MEGF8: variants seen among roughly 807,000 people sequenced by gnomAD.
The protein encoded by MEGF8 is multiple epidermal growth factor-like domains protein 8.
A neutral mutation model predicts 302.9 loss-of-function variants in MEGF8; 156 were observed. The observed-to-expected ratio is 0.52, with a 90% CI of 0.45 to 0.59. The LOEUF is 0.59. MEGF8 is among the 20% of genes least tolerant of loss of function. MEGF8 has a pLI of 0.00. For missense variants in MEGF8, 3,345 were observed against 3,964.5 expected, an observed-to-expected ratio of 0.84 and a Z score of 4.20; for synonymous variants, 1,621 against 1,660.5, an observed-to-expected ratio of 0.98 and a Z score of 0.58.
Position 42,362,479 on chromosome 19 carries a change from C to G in MEGF8, c.5940C>G (p.Ile1980Met). Residue 1980 changes from isoleucine (I) to methionine (M), a missense_variant, in exon 34 of 42, where the codon ATC (isoleucine) becomes ATG (methionine). Ile to Met is a conservative substitution (Grantham distance 10). Transcript: ENST00000251268. The part of the protein sequence containing the change: ...GSCTSENDCR[I>M]NQREVFWAGN... Reference sequence around the variant, plus strand: ...GCACCTCTGAGAATGACTGTCGGATCAACCAGCGAGAGGTCTTCTGGGCAG... The same window carrying G: ...GCACCTCTGAGAATGACTGTCGGATGAACCAGCGAGAGGTCTTCTGGGCAG... 1 of 1,613,980 alleles carries G rather than the reference C, an allele frequency of 6.2e-7. No homozygotes were observed. Among genetic ancestry groups the G allele is most frequent in the Non-Finnish European group, 8.5e-7 (1 of 1,179,890 alleles).
rs745445494 is a variant in MEGF8, at chr19:42,336,045, A to T, written c.943A>T (p.Arg315Trp). ...NDVWAFSPLGRGHWELLAPPA... is the reference protein window; with the variant it reads ...NDVWAFSPLGWGHWELLAPPA... ...CGTGTGGGCCTTCAGTCCACTGGGC[A>T]GGGGCCACTGGGAGCTCCTGGCACC... The change falls in exon 6 of 42, where the codon AGG (arginine) becomes TGG (tryptophan). Residue 315 changes from arginine (R) to tryptophan (W), a missense_variant. By Grantham distance (101) the Arg-to-Trp change is moderately radical. Coordinates refer to ENST00000251268, the MANE Select transcript of MEGF8 (RefSeq NM_001271938.2). This position sits in a 1 kb window ranked among gnomAD's most constrained non-coding sequence, Gnocchi z 4.8. 5 of 1,578,790 alleles carry T rather than the reference A, an allele frequency of 3.2e-6. No individual in the cohort carries two copies. The South Asian group carries it at 5.7e-5, about 18-fold the overall frequency.
chr19:42,358,313 G>T lies in MEGF8; in HGVS notation c.5175+6G>T. The T allele has an allele frequency of 6.3e-7, 1 of 1,597,860 alleles. No homozygotes were observed. Among genetic ancestry groups the T allele is most frequent in the Non-Finnish European group, 8.5e-7 (1 of 1,172,660 alleles). ...CCCCTTCTCAGGGGGCAAAGGTCAG[G>T]AAAAGAGGCTCAGACCCAAGGATGT... On this transcript the variant is annotated splice_donor_region_variant and intron_variant, in intron 29 of 41. Coordinates refer to ENST00000251268, the MANE Select transcript of MEGF8 (RefSeq NM_001271938.2). The surrounding 1 kb of genome is among the most constrained non-coding windows in gnomAD (Gnocchi z 4.4).
intron 8 of MEGF8, among the ~76,000 whole-genome samples, chr19:42,340,109 C>T (rs147908724): frequency 1.1e-4 from 17 of 152,276 alleles, no homozygotes; most frequent in Non-Finnish European, 1.5e-4. Context: ...TCAGTTTGCT[C>T]ATCTGTGAAA....
intron 41 of MEGF8, among the ~76,000 whole-genome samples, chr19:42,373,161 T>C (rs938999996): frequency 2.1e-4 from 32 of 151,840 alleles, no homozygotes; most frequent in Non-Finnish European, 7.4e-5. Flanking sequence ...GGCGTGATCT[T>C]GGCTCACTGC....
chr19:42,375,933 G>A lies in MEGF8; in HGVS notation c.7696G>A (p.Val2566Ile), dbSNP rs754313677. 3.2e-5 allele frequency: 51 copies of A among 1,603,320 alleles called. No homozygotes were observed. Among genetic ancestry groups the A allele is most frequent in the South Asian group, 5.6e-5 (5 of 89,874 alleles). ...GCCGGGCGCCCCAGCAGAGCCACGG[G>A]TACGGGAGGTATGGCCGCGGGGCCT... Reference protein sequence around the residue: ...SGPGAPAEPRVREVWPRGLIT... With the variant: ...SGPGAPAEPRIREVWPRGLIT... The change falls in exon 42 of 42, where the codon GTA (valine) becomes ATA (isoleucine). Residue 2566 changes from valine to isoleucine, a missense_variant. Transcript: ENST00000251268. This position sits in a 1 kb window ranked among gnomAD's most constrained non-coding sequence, Gnocchi z 7.1.
rs2039455047 is a variant in MEGF8, at chr19:42,356,510, G to T, written c.4622+57G>T. On this transcript the variant is annotated intron_variant, in intron 26 of 41. Coordinates refer to ENST00000251268, the MANE Select transcript of MEGF8 (RefSeq NM_001271938.2). This position sits in a 1 kb window ranked among gnomAD's most constrained non-coding sequence, Gnocchi z 5.2. ...AAATAAGAGAAGGTCACCTCGGGATGCTAAGAGTCACCTCAGAGGAGTGCA... is the reference window on the plus strand; with the variant it reads ...AAATAAGAGAAGGTCACCTCGGGATTCTAAGAGTCACCTCAGAGGAGTGCA... The T allele has an allele frequency of 1.5e-6, 2 of 1,359,292 alleles. No homozygotes were observed. Among genetic ancestry groups the T allele is most frequent in the Non-Finnish European group, 2.0e-6 (2 of 1,001,602 alleles). 84.2% of individuals were successfully genotyped at this position (1,359,292 alleles called of 1,614,324 possible).
intron 1 of MEGF8, among the ~76,000 whole-genome samples, chr19:42,332,662 A>G (rs1245320935): frequency 6.6e-6 from 1 of 152,200 alleles, no homozygotes; most frequent in Non-Finnish European, 1.5e-5. Context: ...CACCGTGCCC[A>G]GCCGGCTTTG....
At chr19:42,327,255 A>G (rs1207381832) in intron 1 of MEGF8, among the ~76,000 whole-genome samples, 1 of 152,266 alleles carries the variant, frequency 6.6e-6, no homozygotes, top group Non-Finnish European at 1.5e-5. Flanking sequence ...TGTGCCAGAC[A>G]TTATGTTTCC....
Position 42,349,499 on chromosome 19 carries a change from GA to G in MEGF8, c.2300del (p.Glu767GlyfsTer37). 1.2e-6 allele frequency: 2 copies of G among 1,610,810 alleles called. No homozygotes were observed. The highest frequency in any genetic ancestry group is 1.7e-6 in the Non-Finnish European group (2 of 1,179,288). ...TGCCTATCACTCACACCTACCCCAGGAGGAGGTGGGGCGCTGGGTGGCTCAT... is the reference window on the plus strand; with the variant it reads ...TGCCTATCACTCACACCTACCCCAGGGGAGGTGGGGCGCTGGGTGGCTCAT... The part of the protein sequence containing the change: ...MARGPDTENM[E>X]EVGRWVAHQE... On this transcript the variant is annotated frameshift_variant and splice_region_variant, in exon 14 of 42. Coordinates refer to ENST00000251268, the MANE Select transcript of MEGF8 (RefSeq NM_001271938.2). LOFTEE classifies it high-confidence loss of function.
At chr19:42,333,954 C>T (rs1024975891) in intron 2 of MEGF8, 53 bp from the exon 3 acceptor site, 105 of 1,570,698 alleles carry the variant, frequency 6.7e-5, no homozygotes, top group Non-Finnish European at 1.4e-5. Flanking sequence ...GCCACCCTCC[C>T]AGGACAATCC....
rs1430269791 is a variant in MEGF8 at position 42,363,137 on chromosome 19, G to A, written c.6148G>A (p.Glu2050Lys). The change falls in exon 35 of 42, where the codon GAA becomes AAA. Residue 2050 changes from glutamate (E) to lysine (K), a missense_variant. By Grantham distance (56) the Glu-to-Lys change is moderately conservative (BLOSUM62 1). Coordinates refer to ENST00000251268, the MANE Select transcript of MEGF8 (RefSeq NM_001271938.2). ...SLLNVSPMPV[E>K]SSPPLPCPTP... ...GCTGAATGTGTCCCCCATGCCGGTG[G>A]AATCATCACCCCCACTGCCCTGCCC... is the stretch of plus-strand genomic sequence containing the variant. The A allele has an allele frequency of 6.2e-7, 1 of 1,613,040 alleles. No individual in the cohort carries two copies. Among genetic ancestry groups the A allele is most frequent in the Admixed American group, 1.7e-5 (1 of 59,866 alleles).
Position 42,353,758 on chromosome 19 carries a change from C to T in MEGF8, c.3762-17C>T, listed in dbSNP as rs1273699023. 3.8e-6 allele frequency: 6 copies of T among 1,584,470 alleles called. No individual in the cohort carries two copies. Among genetic ancestry groups the T allele is most frequent in the East Asian group, 2.2e-5 (1 of 44,476 alleles). On this transcript the variant is annotated splice_polypyrimidine_tract_variant and intron_variant, in intron 21 of 41. Transcript: ENST00000251268. This position sits in a 1 kb window ranked among gnomAD's most constrained non-coding sequence, Gnocchi z 6.1. ...GGTCAGGACTGGTCTGACACTGGCT[C>T]TTCTCCATCTCCCCAGGGCCGGTGG... is the stretch of plus-strand genomic sequence containing the variant.
At chr19:42,361,216 G>A (rs968430332) in intron 32 of MEGF8, among the ~76,000 whole-genome samples, 23 of 152,126 alleles carry the variant, frequency 1.5e-4, no homozygotes, top group Non-Finnish European at 1.0e-4. Context: ...GGAGGAGCTG[G>A]GTCTGAACTG....
Position 42,356,878 on chromosome 19 carries a change from C to T in MEGF8, c.4727C>T (p.Ala1576Val). Residue 1576 changes from alanine to valine, a missense_variant, in exon 27 of 42, where the codon GCT becomes GTT. Transcript: ENST00000251268. This position sits in a 1 kb window ranked among gnomAD's most constrained non-coding sequence, Gnocchi z 5.2. The part of the protein sequence containing the change: ...RSFHAAAYVP[A>V]GRGAMYLLGG... ...TTCCATGCAGCCGCATATGTGCCCGCTGGCCGTGGTGCCATGTATCTGCTG... is the reference window on the plus strand; with the variant it reads ...TTCCATGCAGCCGCATATGTGCCCGTTGGCCGTGGTGCCATGTATCTGCTG... 2 of 1,600,460 alleles carry T rather than the reference C, an allele frequency of 1.2e-6. No individual in the cohort carries two copies. The highest frequency in any genetic ancestry group is 1.1e-5 in the South Asian group (1 of 88,190).
At chr19:42,345,215 G>A (rs1025619496) in intron 12 of MEGF8, among the ~76,000 whole-genome samples, 5 of 152,166 alleles carry the variant, frequency 3.3e-5, no homozygotes, top group African/African-American at 9.7e-5. Context: ...TAAATGATCC[G>A]CCTGCCTTGG....
intron 1 of MEGF8, among the ~76,000 whole-genome samples, chr19:42,331,572 CT>C (rs771047078): frequency 2.5e-3 from 359 of 144,706 alleles, no homozygotes; most frequent in Middle Eastern, 0.011. Flanking sequence ...GTCAACATTT[CT>C]TTTTTTTTTT....
At position 42,336,210 on chromosome 19, in the gene MEGF8, A is replaced by G. The variant is rs754193202; in HGVS notation, c.1108A>G (p.Ser370Gly). 6.2e-7 allele frequency: 1 copy of G among 1,610,146 alleles called. No homozygotes were observed. The highest frequency in any genetic ancestry group is 1.1e-5 in the South Asian group (1 of 91,088). Reference protein sequence around the residue: ...SSGLFRFRLDSTSGGYWEQVI... With the variant: ...SSGLFRFRLDGTSGGYWEQVI... ...TGGCCTCTTCCGTTTCCGCCTTGAC[A>G]GCACCAGCGGGGGCTATTGGGAGCA... is the stretch of plus-strand genomic sequence containing the variant. The change falls in exon 6 of 42, where the codon AGC becomes GGC. Residue 370 changes from serine to glycine, a missense_variant. Coordinates refer to ENST00000251268, the MANE Select transcript of MEGF8 (RefSeq NM_001271938.2). The surrounding 1 kb of genome is among the most constrained non-coding windows in gnomAD (Gnocchi z 4.8).
intron 8 of MEGF8, among the ~76,000 whole-genome samples, chr19:42,341,943 G>C (rs1001829723): frequency 1.3e-4 from 20 of 152,190 alleles, no homozygotes; most frequent in African/African-American, 4.3e-4. Flanking sequence ...GGGCTTCCCA[G>C]AGTCGCATCT....
chr19:42,326,342 G>A lies in MEGF8; in HGVS notation c.99G>A (p.Gln33=). ...PGARAGDCKG[Q]RQVLREAPGF... ...CCCGGGCGGGGGACTGCAAGGGGCA[G>A]CGGCAGGTGCTGCGGGAGGCGCCAG... The change falls in exon 1 of 42, where the codon CAG becomes CAA. Residue 33 remains glutamine (Q), a synonymous_variant. Coordinates refer to ENST00000251268, the MANE Select transcript of MEGF8 (RefSeq NM_001271938.2). The A allele has an allele frequency of 1.3e-6, 2 of 1,582,946 alleles. No individual in the cohort carries two copies. Among genetic ancestry groups the A allele is most frequent in the Non-Finnish European group, 1.7e-6 (2 of 1,168,464 alleles).
Sources: gnomAD v4.1 joint callset for allele counts (sites outside exome capture counted in the v4.1 genomes callset) on GRCh38, gnomAD v4.1.1 for gene constraint, Gnocchi (gnomAD v3.1) non-coding constraint, MANE v1.5 for transcripts, NCBI Gene and HGNC (gene_info 2026-07-23, HGNC 2026-07-21) for gene names.